Variants in TCERG1L observed in about 807,000 individuals in gnomAD.
TCERG1L encodes transcription elongation regulator 1 like.
TCERG1L carries 37 observed loss-of-function variants against 56.3 expected under a neutral mutation model. That is an observed-to-expected ratio of 0.66 (90% confidence interval 0.51 to 0.87). The LOEUF is 0.87. Ranked by LOEUF, TCERG1L falls within the 40% of genes least tolerant of loss-of-function variation. The pLI is 0.00. For missense variants in TCERG1L, 799 were observed against 774.2 expected, an observed-to-expected ratio of 1.03 and a Z score of -0.38; for synonymous variants, 324 against 326.3, an observed-to-expected ratio of 0.99 and a Z score of 0.08.
At chr10:131,145,937 C>T (rs11017756) in intron 7 of TCERG1L, among the ~76,000 whole-genome samples, 7,520 of 152,302 alleles carry the variant, frequency 0.049, 270 homozygotes, top group South Asian at 0.22. Flanking sequence ...GCTGAAAGTT[C>T]CTCTCTGTTT....
At chr10:131,163,323 G>GCGA in intron 5 of TCERG1L, 113 bp from the exon 6 acceptor site, 2 of 836,610 alleles carry the variant, frequency 2.4e-6, no homozygotes, top group South Asian at 3.8e-5. Context: ...GCTTATAGTA[G>GCGA]CCACGAGATA....
chr10:131,174,193 C>T (rs910389422), intron 4 of TCERG1L, among the ~76,000 whole-genome samples: 4 of 152,180 alleles, frequency 2.6e-5, no homozygotes, highest in African/African-American at 9.6e-5. Flanking sequence ...CAGTCAGATG[C>T]CTGCTGCCGC....
intron 6 of TCERG1L, 35 bp from the exon 7 acceptor site, chr10:131,146,695 C>A (rs41282898): frequency 1.9e-6 from 3 of 1,584,050 alleles, no homozygotes; most frequent in Non-Finnish European, 2.6e-6. Flanking sequence ...CAGTCGCTCT[C>A]GGAGACACTT....
chr10:131,140,996 T>G (rs11017743), intron 7 of TCERG1L, among the ~76,000 whole-genome samples: 126,024 of 152,146 alleles, frequency 0.83, 53,404 homozygotes, highest in Non-Finnish European at 0.92. Context: ...TGCATCCTGC[T>G]TATGAGAGAA....
intron 8 of TCERG1L, among the ~76,000 whole-genome samples, chr10:131,129,181 C>A (rs775766546): frequency 6.6e-6 from 1 of 151,674 alleles, no homozygotes; most frequent in Non-Finnish European, 1.5e-5. Flanking sequence ...CTGACTTAGT[C>A]CTGATATGAA....
At chr10:131,149,889 G>A (rs1242619886) in intron 6 of TCERG1L, among the ~76,000 whole-genome samples, 1 of 152,184 alleles carries the variant, frequency 6.6e-6, no homozygotes, top group Non-Finnish European at 1.5e-5. Flanking sequence ...ACCAGAGGAA[G>A]CCCAGATCCG....
intron 7 of TCERG1L, among the ~76,000 whole-genome samples, chr10:131,138,563 C>A (rs1409658397): frequency 6.6e-6 from 1 of 152,178 alleles, no homozygotes; most frequent in African/African-American, 2.4e-5. Flanking sequence ...AGGGCCAATT[C>A]ATCTGATAAA....
intron 3 of TCERG1L, among the ~76,000 whole-genome samples, chr10:131,274,177 T>C (rs866237173): frequency 2.5e-4 from 38 of 152,154 alleles, no homozygotes; most frequent in South Asian, 6.2e-4. Context: ...AAAGGAAAGA[T>C]TCTCGTAAAC....
intron 4 of TCERG1L, among the ~76,000 whole-genome samples, chr10:131,201,070 G>A (rs4751345): frequency 0.17 from 26,486 of 152,128 alleles, 2,763 homozygotes; most frequent in South Asian, 0.37. Flanking sequence ...GTTAAAGGCC[G>A]TGCCTCTTGA....
chr10:131,143,227 C>T (rs1000097618), intron 7 of TCERG1L, among the ~76,000 whole-genome samples: 3 of 152,172 alleles, frequency 2.0e-5, no homozygotes, highest in Admixed American at 1.3e-4. Flanking sequence ...GGGAAGTCCA[C>T]GGAACCAAGT....
intron 4 of TCERG1L, among the ~76,000 whole-genome samples, chr10:131,195,051 T>G (rs946969438): frequency 2.0e-5 from 3 of 152,208 alleles, no homozygotes; most frequent in East Asian, 3.9e-4. Context: ...GCCCATGGAC[T>G]CCTTCCTTCC....
intron 3 of TCERG1L, among the ~76,000 whole-genome samples, chr10:131,269,881 A>G (rs995093733): frequency 3.3e-5 from 5 of 152,194 alleles, no homozygotes; most frequent in Non-Finnish European, 7.3e-5. Context: ...CGCACAATAA[A>G]GAGAAGTGTG....
chr10:131,218,557 G>A (rs1161707687), intron 4 of TCERG1L, among the ~76,000 whole-genome samples: 1 of 152,056 alleles, frequency 6.6e-6, no homozygotes, highest in Admixed American at 6.5e-5. Context: ...GCAATGGTGC[G>A]ACCCTGGCTC....
At chr10:131,194,484 T>C (rs1845336260) in intron 4 of TCERG1L, among the ~76,000 whole-genome samples, 1 of 152,226 alleles carries the variant, frequency 6.6e-6, no homozygotes, top group Non-Finnish European at 1.5e-5. Flanking sequence ...TGACATGCTG[T>C]TCTCCTTTTG....
chr10:131,095,143 A>C (rs1384155402), intron 11 of TCERG1L: 1 of 150,694 alleles, frequency 6.6e-6, no homozygotes, highest in Non-Finnish European at 1.5e-5. Flanking sequence ...CGGCTGCTGC[A>C]GCTCTCAGGA....
intron 4 of TCERG1L, among the ~76,000 whole-genome samples, chr10:131,202,451 G>A (rs181735322): frequency 1.3e-5 from 2 of 152,090 alleles, no homozygotes; most frequent in East Asian, 1.9e-4. Context: ...GCGTGGTGGC[G>A]AGTGCCTGTA....
intron 6 of TCERG1L, among the ~76,000 whole-genome samples, chr10:131,150,206 T>C (rs888948219): frequency 1.5e-4 from 2 of 13,098 alleles, no homozygotes; most frequent in Non-Finnish European, 5.7e-4. Flanking sequence ...GATGGACCTG[T>C]TGAGCACCAT....
At chr10:131,246,292 C>T (rs564337729) in intron 4 of TCERG1L, among the ~76,000 whole-genome samples, 308 of 152,218 alleles carry the variant, frequency 2.0e-3, no homozygotes, top group Admixed American at 5.5e-3. Flanking sequence ...AGAAGCATGG[C>T]GAGCACCATG....
intron 8 of TCERG1L, 106 bp from the exon 9 acceptor site, chr10:131,117,040 T>C: frequency 7.2e-7 from 1 of 1,387,088 alleles, no homozygotes; most frequent in Non-Finnish European, 9.6e-7. Flanking sequence ...AGAAGCACAG[T>C]CTCCTTGACA....
Sources: gnomAD v4.1 joint callset for allele counts (sites outside exome capture counted in the v4.1 genomes callset) on GRCh38, gnomAD v4.1.1 for gene constraint, MANE v1.5 for transcripts, NCBI Gene and HGNC (gene_info 2026-07-23, HGNC 2026-07-21) for gene names.